Variants in RBM41 observed in about 807,000 individuals in gnomAD.
RBM41 encodes the protein RNA-binding protein 41.
A neutral mutation model predicts 30.8 loss-of-function variants in RBM41; 14 were observed. That is an observed-to-expected ratio of 0.45 (90% CI 0.30 to 0.71). The LOEUF (loss-of-function observed/expected upper bound fraction) is 0.71. RBM41 is among the 30% of genes least tolerant of loss of function. The pLI is 0.08. For missense variants in RBM41, 276 were observed against 326.3 expected (o/e 0.85, Z 1.19); for synonymous variants, 120 against 110.1 (o/e 1.09, Z -0.56).
At chrX:107,099,320 CTG>C (rs1350028893) in intron 5 of RBM41, among the ~76,000 whole-genome samples, 1 of 111,360 alleles carries the variant, frequency 9.0e-6, no homozygotes, top group Non-Finnish European at 1.9e-5. Context: ...GTGGCAATAA[CTG>C]AGATGTGCTA....
At chrX:107,057,240 C>T (rs1935596781), downstream of RBM41, among the ~76,000 whole-genome samples, 1 of 110,475 alleles carries the variant, frequency 9.1e-6, no homozygotes, top group African/African-American at 3.3e-5. Flanking sequence ...TTTTATAGTT[C>T]CTTAAGGTGT....
chrX:107,056,823 T>C, the RBM41 span, among the ~76,000 whole-genome samples: 165 of 109,547 alleles, frequency 1.5e-3, no homozygotes, highest in Non-Finnish European at 2.4e-3. Context: ...TTTTTTTTTT[T>C]CATTTTAATG....
At chrX:107,104,861 C>A (rs978198483) in intron 5 of RBM41, among the ~76,000 whole-genome samples, 4 of 110,632 alleles carry the variant, frequency 3.6e-5, no homozygotes, top group Non-Finnish European at 7.6e-5. Context: ...ATTGATGGGA[C>A]GTACCTCAAA....
At chrX:107,079,195 A>G (rs1038081859) in intron 6 of RBM41, among the ~76,000 whole-genome samples, 8 of 112,176 alleles carry the variant, frequency 7.1e-5, no homozygotes, top group African/African-American at 2.3e-4. Context: ...ATAAACACAT[A>G]TAAATATTTC....
chrX:107,097,215 G>T (rs1477877197), intron 5 of RBM41, among the ~76,000 whole-genome samples: 1 of 112,086 alleles, frequency 8.9e-6, no homozygotes, highest in East Asian at 2.8e-4. Context: ...ACTCATTCAA[G>T]AGAAATGAAA....
At chrX:107,077,384 C>T (rs981812676) in intron 6 of RBM41, among the ~76,000 whole-genome samples, 1 of 111,211 alleles carries the variant, frequency 9.0e-6, no homozygotes, top group Non-Finnish European at 1.9e-5. Flanking sequence ...CCACCCGCCT[C>T]GGCCTCCCAA....
intron 5 of RBM41, among the ~76,000 whole-genome samples, chrX:107,112,631 C>T (rs1031539925): frequency 2.7e-5 from 3 of 111,472 alleles, no homozygotes; most frequent in Non-Finnish European, 3.8e-5. Flanking sequence ...GGAAACAACC[C>T]GAATGCACTT....
rs150145313 is a variant in RBM41 at position 107,088,397 on chromosome X, G to A, written c.999+39C>T. The A allele has an allele frequency of 1.9e-3, 2,189 of 1,153,019 alleles. 28 individuals carry two copies. In the African/African-American group the frequency reaches 0.033, roughly 17 times the overall value. On this transcript the variant is annotated intron_variant, in intron 6 of 7. Coordinates refer to ENST00000685964, the MANE Select transcript of RBM41 (RefSeq NM_001324242.2). ...ACTTTAGGTAGAGGTAAATAAAAGC[G>A]AAATCAACCCAGGTTGTTTTACTTG...
rs1300201556 is a variant in RBM41, at chrX:107,088,622, T to G, written c.813A>C (p.Lys271Asn). The change falls in exon 6 of 8, where the codon AAA becomes AAC. Residue 271 changes from lysine (K) to asparagine (N), a missense_variant. Coordinates refer to ENST00000685964, the MANE Select transcript of RBM41 (RefSeq NM_001324242.2). ...QDKGKQAAQG[K>N]GPSLHVANVI... is the part of the protein sequence containing the mutation. Reference sequence around the variant, plus strand: ...CATTTGCCACATGGAGACTGGGGCCTTTACCCTGTGCTGCCTGTTTTCCCT... The same window carrying G: ...CATTTGCCACATGGAGACTGGGGCCGTTACCCTGTGCTGCCTGTTTTCCCT... 2.3e-5 allele frequency: 28 copies of G among 1,209,476 alleles called. No individual in the cohort carries two copies. The highest frequency in any genetic ancestry group is 3.0e-5 in the Non-Finnish European group (27 of 895,053).
chrX:107,072,981 C>CGT (rs1936116249), intron 6 of RBM41, among the ~76,000 whole-genome samples: 2 of 110,927 alleles, frequency 1.8e-5, no homozygotes, highest in African/African-American at 6.6e-5. Flanking sequence ...TCATCCTATA[C>CGT]AAAAATCAAC....
chrX:107,063,203 T>C lies in RBM41; in HGVS notation c.*4324A>G, dbSNP rs1270633933. The stretch of plus-strand genomic sequence containing the variant: ...ACACTTCAACTGTTACCCCCAGCCC[T>C]TCCCATTCCCCCCAACTCTGTGCTA... On this transcript the variant is annotated 3_prime_UTR_variant, in exon 8 of 8. Coordinates refer to ENST00000685964, the MANE Select transcript of RBM41 (RefSeq NM_001324242.2). Among the ~76,000 whole-genome samples, 2 of 110,989 alleles carry C rather than the reference T, an allele frequency of 1.8e-5. No individual in the cohort carries two copies. Among genetic ancestry groups the C allele is most frequent in the Non-Finnish European group, 3.8e-5 (2 of 52,999 alleles).
intron 6 of RBM41, among the ~76,000 whole-genome samples, chrX:107,083,836 G>A (rs1368766958): frequency 9.1e-6 from 1 of 109,579 alleles, no homozygotes; most frequent in South Asian, 3.8e-4. Flanking sequence ...TATATTAATC[G>A]TGGTTATTTT....
chrX:107,069,222 C>A (rs1935954445), intron 7 of RBM41, 33 bp downstream of exon 7: 1 of 1,146,720 alleles, frequency 8.7e-7, no homozygotes, highest in South Asian at 2.0e-5. Flanking sequence ...AACTGAGGGG[C>A]AACTGAGTAA....
intron 6 of RBM41, among the ~76,000 whole-genome samples, chrX:107,087,214 G>A (rs1302040908): frequency 9.0e-6 from 1 of 111,047 alleles, no homozygotes; most frequent in Non-Finnish European, 1.9e-5. Context: ...AAGGTTGGCT[G>A]GCTACACAGG....
chrX:107,068,375 G>C (rs1935920482), intron 7 of RBM41, among the ~76,000 whole-genome samples: 1 of 111,485 alleles, frequency 9.0e-6, no homozygotes, highest in Admixed American at 9.5e-5. Flanking sequence ...TAGCTTTCAA[G>C]ATTAGTAAAA....
In RBM41 at chrX:107,069,198, G is replaced by C. The variant is rs1935953122; in HGVS notation, c.1147+57C>G. On this transcript the variant is annotated intron_variant, in intron 7 of 7. Coordinates refer to ENST00000685964, the MANE Select transcript of RBM41 (RefSeq NM_001324242.2). Reference sequence around the variant, plus strand: ...CTATATCTAAATTAGAGAGGTTATAGGTAATCTCTAGCGAACTGAGGGGCA... The same window carrying C: ...CTATATCTAAATTAGAGAGGTTATACGTAATCTCTAGCGAACTGAGGGGCA... The C allele has an allele frequency of 3.9e-6, 4 of 1,017,865 alleles. No homozygotes were observed. In the East Asian group the frequency reaches 1.2e-4, roughly 31 times the overall value. The allele number at this position is 1,017,865 out of a possible 1,213,427, so 83.9% of individuals were successfully genotyped here.
In RBM41 at chrX:107,092,142, T is replaced by C. The variant is rs757866509; in HGVS notation, c.596-3303A>G. ...ATTCTATATTTCCACCAGCAAGGCA[T>C]AGGAGTAGTTATGTAAGTATTTCCT... On this transcript the variant is annotated intron_variant, in intron 5 of 7. Coordinates refer to ENST00000685964, the MANE Select transcript of RBM41 (RefSeq NM_001324242.2). Among the ~76,000 whole-genome samples the C allele has an allele frequency of 4.5e-5, 5 of 111,112 alleles. No individual in the cohort carries two copies. The East Asian group carries it at 1.1e-3, about 25-fold the overall frequency.
intron 5 of RBM41, among the ~76,000 whole-genome samples, chrX:107,100,328 C>T (rs775938037): frequency 2.0e-4 from 22 of 109,883 alleles, no homozygotes; most frequent in South Asian, 7.7e-4. Flanking sequence ...CTAGTCTGTA[C>T]TAAAAATATA....
At chrX:107,112,892 T>C (rs1924606025) in intron 5 of RBM41, 2 of 325,664 alleles carry the variant, frequency 6.1e-6, no homozygotes, top group Non-Finnish European at 1.2e-5. Flanking sequence ...GGAATGACTA[T>C]AAAGGGACAG....
Sources: gnomAD v4.1 joint callset for allele counts (sites outside exome capture counted in the v4.1 genomes callset) on GRCh38, gnomAD v4.1.1 for gene constraint, MANE v1.5 for transcripts, NCBI Gene and HGNC (gene_info 2026-07-23, HGNC 2026-07-21) for gene names.